The following CCDC68 variants were observed in gnomAD, a reference collection of about 807,000 sequenced individuals.
CCDC68 encodes the protein coiled-coil domain containing 68.
CCDC68 carries 45 observed loss-of-function variants against 47.1 expected under a neutral mutation model. That is an observed-to-expected ratio of 0.96 (90% CI 0.75 to 1.23). CCDC68 has a LOEUF of 1.23. CCDC68 is among the 50% of genes most tolerant of loss of function. The pLI is 0.00. For missense variants in CCDC68, 353 were observed against 373.6 expected, an observed-to-expected ratio of 0.94 and a Z score of 0.45; for synonymous variants, 131 against 129.5, an observed-to-expected ratio of 1.01 and a Z score of -0.08.
chr18:54,909,902 C>A (rs1397605785), intron 10 of CCDC68, among the ~76,000 whole-genome samples: 1 of 152,244 alleles, frequency 6.6e-6, no homozygotes, highest in Non-Finnish European at 1.5e-5. Flanking sequence ...CACAGCTCTT[C>A]TTTCCTTCTC....
intron 11 of CCDC68, among the ~76,000 whole-genome samples, chr18:54,905,840 C>T (rs1042178039): frequency 2.6e-5 from 4 of 152,146 alleles, no homozygotes; most frequent in African/African-American, 7.2e-5. Context: ...CTCCCCATCG[C>T]TCACATTACC....
chr18:54,933,982 C>T (rs2044304654), intron 7 of CCDC68, among the ~76,000 whole-genome samples: 1 of 152,064 alleles, frequency 6.6e-6, no homozygotes, highest in South Asian at 2.1e-4. Flanking sequence ...ATGGCATAAA[C>T]CCAGGCAGAC....
At position 54,905,409 on chromosome 18, in the gene CCDC68, A is replaced by AGAAGGAAGGAAG. The variant is rs35996831; in HGVS notation, c.951-1006_951-995dup. On this transcript the variant is annotated intron_variant, in intron 11 of 11. Transcript: ENST00000591504. ...GGAAGAGGGGAGGGAAAGGAAGGGA[A>AGAAGGAAGGAAG]GAAGGAAGGAAGGAAGGAAGGAAGA... Among the ~76,000 whole-genome samples the AGAAGGAAGGAAG allele has an allele frequency of 5.9e-3, 637 of 107,806 alleles. 25 individuals are homozygous for AGAAGGAAGGAAG. The highest frequency in any genetic ancestry group is 0.013 in the Admixed American group (130 of 10,154). 70.7% of individuals were successfully genotyped at this position (107,806 alleles called of 152,430 possible). A position where few individuals can be genotyped will look rare whatever the true frequency, so the allele number is the denominator to read the frequency against.
intron 8 of CCDC68, among the ~76,000 whole-genome samples, chr18:54,927,820 A>G (rs141712241): frequency 6.6e-6 from 1 of 152,354 alleles, no homozygotes; most frequent in Non-Finnish European, 1.5e-5. Context: ...GGGCTTTGGC[A>G]TATGTGGTCC....
At chr18:54,936,780 A>G in intron 6 of CCDC68, 53 bp downstream of exon 6, 8 of 1,607,734 alleles carry the variant, frequency 5.0e-6, no homozygotes, top group Non-Finnish European at 6.8e-6. Flanking sequence ...GATGAACTTC[A>G]ACAGCTCAGG....
rs1041753466 is a variant in CCDC68 at position 54,941,096 on chromosome 18, A to C, written c.118-13T>G. On this transcript the variant is annotated splice_polypyrimidine_tract_variant and intron_variant, in intron 3 of 11. Transcript: ENST00000591504. ...GAGTAGTTCGAATCTAGAGAAGGAA[A>C]ACAAAACCATTTGTTTCAAAGGCAT... is the stretch of plus-strand genomic sequence containing the variant. The C allele has an allele frequency of 6.3e-7, 1 of 1,599,720 alleles. No individual in the cohort carries two copies. Among genetic ancestry groups the C allele is most frequent in the Non-Finnish European group, 8.6e-7 (1 of 1,169,318 alleles).
At chr18:54,922,290 G>A (rs2044074275) in intron 8 of CCDC68, among the ~76,000 whole-genome samples, 2 of 152,180 alleles carry the variant, frequency 1.3e-5, no homozygotes, top group Non-Finnish European at 1.5e-5. Context: ...AGATGGAAGA[G>A]CCTTCCAAGG....
intron 11 of CCDC68, among the ~76,000 whole-genome samples, chr18:54,905,947 C>A (rs984219034): frequency 7.2e-5 from 11 of 152,164 alleles, no homozygotes; most frequent in African/African-American, 2.4e-4. Flanking sequence ...ATCTAGGTTG[C>A]GTGCTCCTTA....
At chr18:54,932,690 T>C (rs2044283948) in intron 7 of CCDC68, among the ~76,000 whole-genome samples, 1 of 152,258 alleles carries the variant, frequency 6.6e-6, no homozygotes, top group Non-Finnish European at 1.5e-5. Flanking sequence ...CAGCCCACTG[T>C]TGCGAGTTAT....
intron 10 of CCDC68, among the ~76,000 whole-genome samples, chr18:54,913,789 G>C (rs779902845): frequency 6.6e-6 from 1 of 151,724 alleles, no homozygotes; most frequent in South Asian, 2.1e-4. Context: ...CTTCAGCCTC[G>C]GCAACAGAGT....
At chr18:54,922,164 A>G (rs1424523820) in intron 8 of CCDC68, among the ~76,000 whole-genome samples, 1 of 152,176 alleles carries the variant, frequency 6.6e-6, no homozygotes, top group Non-Finnish European at 1.5e-5. Flanking sequence ...CTGTATTCAC[A>G]TTAGATTTCA....
At chr18:54,907,574 T>G (rs975076776) in intron 11 of CCDC68, among the ~76,000 whole-genome samples, 1 of 152,176 alleles carries the variant, frequency 6.6e-6, no homozygotes, top group African/African-American at 2.4e-5. Context: ...ATATCTAAAT[T>G]TGTTCATTAA....
chr18:54,940,868 A>G (rs1451716570), intron 4 of CCDC68, 129 bp downstream of exon 4: 1 of 636,652 alleles, frequency 1.6e-6, no homozygotes, highest in Non-Finnish European at 2.7e-6. Context: ...ATGGCCATTA[A>G]CGTCTTTAGA....
intron 2 of CCDC68, among the ~76,000 whole-genome samples, chr18:54,944,104 T>C (rs1327871812): frequency 6.6e-6 from 1 of 152,076 alleles, no homozygotes; most frequent in African/African-American, 2.4e-5. Flanking sequence ...TGATTTATTT[T>C]CCTTTAAATA....
intron 1 of CCDC68, among the ~76,000 whole-genome samples, chr18:54,958,996 A>AT (rs1206660288): frequency 6.6e-6 from 1 of 152,220 alleles, no homozygotes; most frequent in Non-Finnish European, 1.5e-5. Context: ...AGCCTCTGAA[A>AT]TTAGCAGGCA....
chr18:54,941,309 A>C (rs1247749119), intron 3 of CCDC68, among the ~76,000 whole-genome samples: 1 of 152,186 alleles, frequency 6.6e-6, no homozygotes, highest in Non-Finnish European at 1.5e-5. Context: ...TTCTCAGACA[A>C]ATCTAAAATA....
In CCDC68 at chr18:54,942,710, C is replaced by T. The variant is rs533743476; in HGVS notation, c.82G>A (p.Ala28Thr). The T allele has an allele frequency of 5.6e-6, 9 of 1,608,322 alleles. No homozygotes were observed. The highest frequency in any genetic ancestry group is 3.4e-5 in the Admixed American group (2 of 59,220). The part of the protein sequence containing the change: ...DNSALYESTS[A>T]HIIEETEYVK... ...TACTCGGTTTCTTCAATAATGTGAGCGGACGTAGACTCATACAAGGCAGAA... is the reference window on the plus strand; with the variant it reads ...TACTCGGTTTCTTCAATAATGTGAGTGGACGTAGACTCATACAAGGCAGAA... Residue 28 changes from alanine (A) to threonine (T), a missense_variant, in exon 3 of 12, where the codon GCT (alanine) becomes ACT (threonine). Physicochemically the swap from Ala to Thr is moderately conservative, Grantham distance 58 (BLOSUM62 0). Transcript: ENST00000591504.
chr18:54,951,888 C>T (rs1350119387), intron 1 of CCDC68, among the ~76,000 whole-genome samples: 1 of 152,214 alleles, frequency 6.6e-6, no homozygotes, highest in Non-Finnish European at 1.5e-5. Context: ...CTTGGAAAAT[C>T]ATTTAAACTC....
Position 54,919,366 on chromosome 18 carries a change from G to C in CCDC68, c.694C>G (p.Leu232Val). ...TGGAGAATGGAAATCTCCCTCTGAA[G>C]ATCCTGGCAACTGGGAATGCAAAGG... ...SATYGKSCQD[L>V]QREISILQEQ... is the part of the protein sequence containing the mutation. Residue 232 changes from leucine (L) to valine (V), a missense_variant, in exon 9 of 12, where the codon CTT (leucine) becomes GTT (valine). Physicochemically the swap from Leu to Val is conservative, Grantham distance 32. Transcript: ENST00000591504. 6.2e-7 allele frequency: 1 copy of C among 1,613,160 alleles called. No homozygotes were observed.
Sources: gnomAD v4.1 joint callset for allele counts (sites outside exome capture counted in the v4.1 genomes callset) on GRCh38, gnomAD v4.1.1 for gene constraint, MANE v1.5 for transcripts, NCBI Gene and HGNC (gene_info 2026-07-23, HGNC 2026-07-21) for gene names.